The following SLC25A5 variants were observed in gnomAD, a reference collection of about 807,000 sequenced individuals.
SLC25A5 encodes solute carrier family 25 member 5, also known as ADP/ATP translocase 2.
SLC25A5 carries 4 observed loss-of-function variants against 16.5 expected under a neutral mutation model. The observed-to-expected ratio is 0.24, with a 90% CI of 0.12 to 0.56. SLC25A5 has a LOEUF of 0.56. SLC25A5 is among the 20% of genes least tolerant of loss of function. SLC25A5 has a pLI of 0.93. For synonymous variants in SLC25A5, 60 were observed against 95.2 expected (o/e 0.63, Z 2.15); for missense variants, 88 against 248.0 (o/e 0.35, Z 4.33).
intron 1 of SLC25A5, chrX:119,469,076 T>G: frequency 8.6e-6 from 1 of 116,161 alleles, no homozygotes; most frequent in Non-Finnish European, 1.8e-5. Flanking sequence ...CGCTCAAACC[T>G]CGCCGGGCCG....
At chrX:119,469,135 A>G (rs1452651857) in intron 1 of SLC25A5, 6 of 113,324 alleles carry the variant, frequency 5.3e-5, no homozygotes, top group Non-Finnish European at 9.3e-5. Flanking sequence ...GCCCCCGCGC[A>G]GCCGCGGCCG....
chrX:119,469,649 CCTGT>C lies in SLC25A5; in HGVS notation c.112-7_112-4del. On this transcript the variant is annotated splice_region_variant and splice_polypyrimidine_tract_variant and intron_variant, in intron 1 of 3. Transcript: ENST00000317881. ...TATAACTGTCCCTGTTGGCTTCCTT[CCTGT>C]CTGTTAGGTGCAGCATGCCAGCAAG... 1 of 1,178,285 alleles carries C rather than the reference CCTGT, an allele frequency of 8.5e-7. No homozygotes were observed.
In SLC25A5 at chrX:119,469,645, C is replaced by T; in HGVS notation, c.112-16C>T. 1 of 1,175,963 alleles carries T rather than the reference C, an allele frequency of 8.5e-7. No individual in the cohort carries two copies. Among genetic ancestry groups the T allele is most frequent in the Admixed American group, 2.4e-5 (1 of 41,730 alleles). On this transcript the variant is annotated splice_polypyrimidine_tract_variant and intron_variant, in intron 1 of 3. Transcript: ENST00000317881. ...TGGTTATAACTGTCCCTGTTGGCTT[C>T]CTTCCTGTCTGTTAGGTGCAGCATG...
chrX:119,469,617 C>T (rs1447413797), intron 1 of SLC25A5, 44 bp from the exon 2 acceptor site: 8 of 1,083,726 alleles, frequency 7.4e-6, no homozygotes, highest in Middle Eastern at 2.6e-4. Flanking sequence ...TTTCCCTTCC[C>T]CATGGTTATA....
chrX:119,470,541 G>T, intron 3 of SLC25A5, 28 bp downstream of exon 3: 3 of 1,182,780 alleles, frequency 2.5e-6, no homozygotes, highest in Non-Finnish European at 3.4e-6. Context: ...AGAAGATAAA[G>T]TTGTAGTCGT....
At chrX:119,469,599 C>G in intron 1 of SLC25A5, 62 bp from the exon 2 acceptor site, 19 of 1,079,464 alleles carry the variant, frequency 1.8e-5, no homozygotes, top group Non-Finnish European at 2.3e-5. Context: ...ATGGCATAAG[C>G]TCTTCTCTTT....
At chrX:119,470,333 A>C (rs1204515233) in intron 2 of SLC25A5, 40 bp from the exon 3 acceptor site, 1 of 1,124,821 alleles carries the variant, frequency 8.9e-7, no homozygotes, top group Non-Finnish European at 1.2e-6. Context: ...AGTCAGTAAA[A>C]CTCTGCTTTT....
In SLC25A5 at chrX:119,470,054, G is replaced by T; in HGVS notation, c.505G>T (p.Gly169Trp). 1 of 1,212,362 alleles carries T rather than the reference G, an allele frequency of 8.2e-7. No homozygotes were observed. The highest frequency in any genetic ancestry group is 1.1e-6 in the Non-Finnish European group (1 of 895,428). ...CCTGGTTAAGATCTACAAATCTGAT[G>T]GGATTAAGGGCCTGTACCAAGGCTT... ...DCLVKIYKSD[G>W]IKGLYQGFNV... The change falls in exon 2 of 4, where the codon GGG becomes TGG. Residue 169 changes from glycine (G) to tryptophan (W), a missense_variant. By Grantham distance (184) the Gly-to-Trp change is radical (BLOSUM62 -2). Coordinates refer to ENST00000317881, the MANE Select transcript of SLC25A5 (RefSeq NM_001152.5).
At position 119,468,483 on chromosome X, in the gene SLC25A5, C is replaced by T. The variant is rs748470956; in HGVS notation, c.-33C>T. 3.7e-5 allele frequency: 43 copies of T among 1,153,416 alleles called. No homozygotes were observed. Among genetic ancestry groups the T allele is most frequent in the Non-Finnish European group, 5.0e-5 (42 of 847,207 alleles). ...AGTCAAAGCCGGTTCCCGGCCCAGT[C>T]CCGTCCTGCAGCAGTCTGCCTCCTC... On this transcript the variant is annotated 5_prime_UTR_variant, in exon 1 of 4. Transcript: ENST00000317881.
intron 3 of SLC25A5, among the ~76,000 whole-genome samples, 181 bp from the exon 4 acceptor site, chrX:119,470,720 A>G (rs747493818): frequency 8.9e-6 from 1 of 112,151 alleles, no homozygotes; most frequent in Non-Finnish European, 1.9e-5. Context: ...GTTAAGACCA[A>G]TGGGTAGTCT....
chrX:119,470,621 G>A, intron 3 of SLC25A5, 108 bp downstream of exon 3: 2 of 951,456 alleles, frequency 2.1e-6, no homozygotes, highest in East Asian at 6.2e-5. Context: ...TCAAGGGATG[G>A]GGTTGATAGC....
chrX:119,469,599 C>T (rs1168502369), intron 1 of SLC25A5, 62 bp from the exon 2 acceptor site: 3 of 1,077,602 alleles, frequency 2.8e-6, no homozygotes, highest in Non-Finnish European at 3.7e-6. Flanking sequence ...ATGGCATAAG[C>T]TCTTCTCTTT....
chrX:119,471,162 C>T lies in SLC25A5; in HGVS notation c.*104C>T, dbSNP rs1603301355. 1.4e-6 allele frequency: 1 copy of T among 708,624 alleles called. No individual in the cohort carries two copies. Among genetic ancestry groups the T allele is most frequent in the Non-Finnish European group, 2.0e-6 (1 of 502,009 alleles). 58.4% of individuals were successfully genotyped at this position (708,624 alleles called of 1,213,427 possible). ...CTGGCTGTCAGTTTCTCAGTGGCAA[C>T]TATTTACTGGTTGAAAATGGGAAGC... On this transcript the variant is annotated 3_prime_UTR_variant, in exon 4 of 4. Coordinates refer to ENST00000317881, the MANE Select transcript of SLC25A5 (RefSeq NM_001152.5).
chrX:119,468,919 G>A, intron 1 of SLC25A5: 1 of 311,912 alleles, frequency 3.2e-6, no homozygotes. Context: ...CGGCCTCCCC[G>A]GGCCTGGGCG....
rs1465426117 is a variant in SLC25A5, at chrX:119,468,456, G to A, written c.-60G>A. ...TTGCTTCGCTCCGCCCCGCAGCGCC[G>A]GAGTCAAAGCCGGTTCCCGGCCCAG... On this transcript the variant is annotated 5_prime_UTR_variant, in exon 1 of 4. Transcript: ENST00000317881. The A allele has an allele frequency of 3.9e-6, 4 of 1,024,000 alleles. No individual in the cohort carries two copies. Among genetic ancestry groups the A allele is most frequent in the African/African-American group, 3.6e-5 (2 of 54,797 alleles). The allele number at this position is 1,024,000 out of a possible 1,213,427, so 84.4% of individuals were successfully genotyped here. A position where few individuals can be genotyped will look rare whatever the true frequency, so the allele number is the denominator to read the frequency against.
At position 119,469,498 on chromosome X, in the gene SLC25A5, C is replaced by T. The variant is rs1001118558; in HGVS notation, c.112-163C>T. On this transcript the variant is annotated intron_variant, in intron 1 of 3. Transcript: ENST00000317881. ...GTGCAGATCACCTCTTCCCCTGTGA[C>T]AGCCTCAGAGGGTTGGGAGGGTCCA... 1.3e-4 allele frequency: 69 copies of T among 551,533 alleles called. 1 individual carries two copies. The highest frequency in any genetic ancestry group is 6.3e-4 in the African/African-American group (27 of 43,088). The allele number at this position is 551,533 out of a possible 1,213,427, so 45.5% of individuals were successfully genotyped here. A position where few individuals can be genotyped will look rare whatever the true frequency, so the allele number is the denominator to read the frequency against.
intron 1 of SLC25A5, 33 bp from the exon 2 acceptor site, chrX:119,469,628 A>T: frequency 9.3e-7 from 1 of 1,078,294 alleles, no homozygotes; most frequent in South Asian, 2.4e-5. Flanking sequence ...CATGGTTATA[A>T]CTGTCCCTGT....
rs945992538 is a variant in SLC25A5 at position 119,469,759 on chromosome X, C to A, written c.210C>A (p.Phe70Leu). The A allele has an allele frequency of 8.2e-7, 1 of 1,212,510 alleles. No homozygotes were observed. The highest frequency in any genetic ancestry group is 1.7e-5 in the African/African-American group (1 of 58,064). The change falls in exon 2 of 4, where the codon TTC (phenylalanine) becomes TTA (leucine). Residue 70 changes from phenylalanine (F) to leucine (L), a missense_variant. Phe to Leu is a conservative substitution (Grantham distance 22, BLOSUM62 0). Transcript: ENST00000317881. ...CCAAGGAGCAGGGAGTTCTGTCCTT[C>A]TGGCGCGGTAACCTGGCCAATGTCA... ...RIPKEQGVLS[F>L]WRGNLANVIR...
rs777187995 is a variant in SLC25A5, at chrX:119,470,162, G to T, written c.598+15G>T. The T allele has an allele frequency of 8.7e-7, 1 of 1,147,691 alleles. No homozygotes were observed. Among genetic ancestry groups the T allele is most frequent in the Non-Finnish European group, 1.2e-6 (1 of 863,811 alleles). 94.6% of individuals were successfully genotyped at this position (1,147,691 alleles called of 1,213,427 possible). Reference sequence around the variant, plus strand: ...CACTGCAAAGGGTAAGTTTGCTGTGGGCTTTAACGTTGTGTTCTTAGGAGA... The same window carrying T: ...CACTGCAAAGGGTAAGTTTGCTGTGTGCTTTAACGTTGTGTTCTTAGGAGA... On this transcript the variant is annotated intron_variant, in intron 2 of 3. Transcript: ENST00000317881.
Sources: allele counts gnomAD v4.1 joint callset (sites outside exome capture counted in the v4.1 genomes callset), GRCh38; gene constraint gnomAD v4.1.1; transcripts MANE v1.5; gene names NCBI Gene and HGNC (gene_info 2026-07-23, HGNC 2026-07-21).